ARGLU1: variants seen among roughly 807,000 people sequenced by gnomAD.
ARGLU1 encodes arginine and glutamate-rich protein 1.
A neutral mutation model predicts 37.6 loss-of-function variants in ARGLU1; 9 were observed. The ratio of observed to expected loss-of-function variants is 0.24; its 90% confidence interval spans 0.14 to 0.42. ARGLU1 has a LOEUF of 0.42. Among genes scored for constraint, ARGLU1 ranks in the 10% least tolerant of loss-of-function variants. The probability of loss-of-function intolerance (pLI) is 1.00; values close to 1 mark genes in which losing one functional copy is unlikely to be tolerated. For synonymous variants in ARGLU1, 166 were observed against 138.5 expected (o/e 1.20, Z -1.39); for missense variants, 211 against 359.2 (o/e 0.59, Z 3.34).
chr13:106,546,161 A>G (rs969503978), intron 3 of ARGLU1, among the ~76,000 whole-genome samples: 6 of 152,142 alleles, frequency 3.9e-5, no homozygotes, highest in Admixed American at 2.6e-4. Flanking sequence ...TTAGGGCCAC[A>G]TATCTTTTGT....
chr13:106,559,514 G>C lies in ARGLU1; in HGVS notation c.491C>G (p.Ala164Gly). ...EREVLRRVEE[A>G]KRIMEKQLLE... The stretch of plus-strand genomic sequence containing the variant: ...CAACTGCTTTTCCATGATGCGTTTG[G>C]CTTCCTCCACCCTTCGGAGAACTTC... Residue 164 changes from alanine to glycine, a missense_variant, in exon 2 of 4, where the codon GCC becomes GGC. By Grantham distance (60) the Ala-to-Gly change is moderately conservative. This residue lies in a region of ARGLU1 where 80 missense variants were observed against 158.4 expected (regional missense o/e 0.51). Transcript: ENST00000400198. The C allele has an allele frequency of 6.2e-7, 1 of 1,614,078 alleles. No individual in the cohort carries two copies. Among genetic ancestry groups the C allele is most frequent in the Non-Finnish European group, 8.5e-7 (1 of 1,180,024 alleles).
Position 106,557,726 on chromosome 13 carries a change from G to A in ARGLU1, c.574-595C>T. The A allele has an allele frequency of 1.5e-6, 2 of 1,369,032 alleles. No individual in the cohort carries two copies. Among genetic ancestry groups the A allele is most frequent in the African/African-American group, 1.5e-5 (1 of 67,880 alleles). The allele number at this position is 1,369,032 out of a possible 1,614,324, so 84.8% of individuals were successfully genotyped here. A position where few individuals can be genotyped will look rare whatever the true frequency, so the allele number is the denominator to read the frequency against. ...TGAGCTGAGGAATGCAGATGTTTATGGTAAGAAGGAACAAAAAATGTAATT... is the reference window on the plus strand; with the variant it reads ...TGAGCTGAGGAATGCAGATGTTTATAGTAAGAAGGAACAAAAAATGTAATT... On this transcript the variant is annotated intron_variant, in intron 2 of 3. Coordinates refer to ENST00000400198, the MANE Select transcript of ARGLU1 (RefSeq NM_018011.4). The surrounding 1 kb of genome is among the most constrained non-coding windows in gnomAD (Gnocchi z 5.0).
rs1245208775 is a variant in ARGLU1, at chr13:106,543,092, T to TA, written c.*903dup. 3 of 152,146 alleles carry TA rather than the reference T, an allele frequency of 2.0e-5. No individual in the cohort carries two copies. The highest frequency in any genetic ancestry group is 7.2e-5 in the African/African-American group (3 of 41,452). The allele number at this position is 152,146 out of a possible 1,614,324, so 9.4% of individuals were successfully genotyped here. A position where few individuals can be genotyped will look rare whatever the true frequency, so the allele number is the denominator to read the frequency against. On this transcript the variant is annotated 3_prime_UTR_variant, in exon 4 of 4. Coordinates refer to ENST00000400198, the MANE Select transcript of ARGLU1 (RefSeq NM_018011.4). ...AGAATTTAAATCTTCTGGATGTTGT[T>TA]AGTCTTTCTTAAAGGTAACACTGAT...
At position 106,557,206 on chromosome 13, in the gene ARGLU1, C is replaced by CT; in HGVS notation, c.574-76dup. On this transcript the variant is annotated intron_variant, in intron 2 of 3. Coordinates refer to ENST00000400198, the MANE Select transcript of ARGLU1 (RefSeq NM_018011.4). The surrounding 1 kb of genome is among the most constrained non-coding windows in gnomAD (Gnocchi z 5.0). ...TATTGATAAATATTTACTAATCTTC[C>CT]TCTGAACTTTTTTGATATGACTTAC... 1 of 1,323,690 alleles carries CT rather than the reference C, an allele frequency of 7.6e-7. No homozygotes were observed. The highest frequency in any genetic ancestry group is 1.5e-5 in the African/African-American group (1 of 67,490). The allele number at this position is 1,323,690 out of a possible 1,614,324, so 82.0% of individuals were successfully genotyped here.
chr13:106,557,370 G>C lies in ARGLU1; in HGVS notation c.574-239C>G. ...AAACCCTCCCTAATGATAGTTTCCT[G>C]GCAATTATTACTAATACTTTAATAT... On this transcript the variant is annotated intron_variant, in intron 2 of 3. Coordinates refer to ENST00000400198, the MANE Select transcript of ARGLU1 (RefSeq NM_018011.4). This position sits in a 1 kb window ranked among gnomAD's most constrained non-coding sequence, Gnocchi z 5.0. 1.7e-6 allele frequency: 1 copy of C among 595,076 alleles called. No homozygotes were observed. The highest frequency in any genetic ancestry group is 2.7e-6 in the Non-Finnish European group (1 of 376,550). The allele number at this position is 595,076 out of a possible 1,614,324, so 36.9% of individuals were successfully genotyped here.
chr13:106,559,375 C>A (rs1880737745), intron 2 of ARGLU1, 57 bp downstream of exon 2: 7 of 1,604,894 alleles, frequency 4.4e-6, no homozygotes, highest in Non-Finnish European at 5.9e-6. Flanking sequence ...GAGGCAGAAC[C>A]CAACACTGAA....
At chr13:106,564,910 G>A (rs1365118099) in intron 1 of ARGLU1, among the ~76,000 whole-genome samples, 1 of 152,100 alleles carries the variant, frequency 6.6e-6, no homozygotes, top group African/African-American at 2.4e-5. Context: ...TGAAACATTT[G>A]GTAGATGAGT....
chr13:106,558,411 A>G (rs1364465929), intron 2 of ARGLU1: 1 of 985,352 alleles, frequency 1.0e-6, no homozygotes, highest in Middle Eastern at 5.2e-4. Context: ...CAATAATGCC[A>G]AGATGAAAAA....
rs1212077993 is a variant in ARGLU1 at position 106,567,451 on chromosome 13, G to A, written c.347+122C>T. 3.1e-6 allele frequency: 2 copies of A among 646,174 alleles called. No individual in the cohort carries two copies. Among genetic ancestry groups the A allele is most frequent in the Non-Finnish European group, 2.4e-6 (1 of 413,700 alleles). The allele number at this position is 646,174 out of a possible 1,614,324, so 40.0% of individuals were successfully genotyped here. ...GCCTCTCCGACCCGTTCCCGCGCCC[G>A]GTCCCCAGCCCCGGACCGTCCCCGC... On this transcript the variant is annotated intron_variant, in intron 1 of 3. Transcript: ENST00000400198. The surrounding 1 kb of genome is among the most constrained non-coding windows in gnomAD (Gnocchi z 4.3).
At chr13:106,548,499 TCA>T (rs1260202234) in intron 3 of ARGLU1, among the ~76,000 whole-genome samples, 1 of 152,062 alleles carries the variant, frequency 6.6e-6, no homozygotes, top group African/African-American at 2.4e-5. Flanking sequence ...AGCAACTCAC[TCA>T]CAAGGATTAC....
At chr13:106,559,390 T>C in intron 2 of ARGLU1, 42 bp downstream of exon 2, 1 of 1,610,560 alleles carries the variant, frequency 6.2e-7, no homozygotes, top group Non-Finnish European at 8.5e-7. Flanking sequence ...ACTGAAAGTT[T>C]TGCCATGGAC....
chr13:106,553,104 T>TA (rs35098197), intron 3 of ARGLU1, among the ~76,000 whole-genome samples: 50 of 151,998 alleles, frequency 3.3e-4, no homozygotes, highest in South Asian at 2.1e-3. Context: ...TTCTATGTGA[T>TA]AAAAAAAAGT....
At chr13:106,561,936 C>T (rs1880812631) in intron 1 of ARGLU1, 2 of 152,344 alleles carry the variant, frequency 1.3e-5, no homozygotes, top group Middle Eastern at 3.4e-3. Context: ...GTGGGCTGCT[C>T]CGCTGCTAAG....
intron 3 of ARGLU1, among the ~76,000 whole-genome samples, chr13:106,550,392 A>G (rs1197136253): frequency 6.6e-6 from 1 of 152,212 alleles, no homozygotes; most frequent in Non-Finnish European, 1.5e-5. Flanking sequence ...ATACATTAAC[A>G]TAAGGTCTTC....
intron 3 of ARGLU1, among the ~76,000 whole-genome samples, chr13:106,554,659 G>A (rs569156817): frequency 1.3e-5 from 2 of 151,996 alleles, no homozygotes; most frequent in African/African-American, 4.8e-5. Flanking sequence ...GGACGGTGCG[G>A]GTGGATCACA....
intron 3 of ARGLU1, among the ~76,000 whole-genome samples, chr13:106,550,155 A>C: frequency 6.6e-6 from 1 of 152,162 alleles, no homozygotes; most frequent in East Asian, 1.9e-4. Flanking sequence ...TGGTTCCTAC[A>C]ACAGACTTTC....
At chr13:106,550,429 G>GA (rs1206627898) in intron 3 of ARGLU1, among the ~76,000 whole-genome samples, 2 of 151,982 alleles carry the variant, frequency 1.3e-5, no homozygotes, top group Non-Finnish European at 2.9e-5. Context: ...TAACAATCAG[G>GA]AAAAAACCTC....
chr13:106,559,113 CCT>C (rs1361426534), intron 2 of ARGLU1: 24 of 1,271,360 alleles, frequency 1.9e-5, no homozygotes, highest in African/African-American at 4.6e-5. Flanking sequence ...TTTACCACTC[CCT>C]GTCTCCCCAC....
intron 2 of ARGLU1, chr13:106,558,010 T>C (rs1594192669): frequency 1.0e-6 from 1 of 985,378 alleles, no homozygotes; most frequent in South Asian, 4.7e-5. Flanking sequence ...TGAGATTTTA[T>C]AATGCAAACT....
Sources: gnomAD v4.1 joint callset for allele counts (sites outside exome capture counted in the v4.1 genomes callset) on GRCh38, gnomAD v4.1.1 for gene constraint, gnomAD v4.1.1 regional missense constraint, Gnocchi (gnomAD v3.1) non-coding constraint, MANE v1.5 for transcripts, NCBI Gene and HGNC (gene_info 2026-07-23, HGNC 2026-07-21) for gene names.